The following KAZN variants were observed in gnomAD, a reference collection of about 807,000 sequenced individuals.
The protein encoded by KAZN is kazrin.
A neutral mutation model predicts 87.4 loss-of-function variants in KAZN; 40 were observed. That is an observed-to-expected ratio of 0.46 (90% CI 0.36 to 0.60). The LOEUF (loss-of-function observed/expected upper bound fraction) is 0.60. KAZN is among the 20% of genes least tolerant of loss of function. The pLI is 0.00. For missense variants in KAZN, 898 were observed against 1,073.9 expected (o/e 0.84, Z 2.29); for synonymous variants, 466 against 458.3 (o/e 1.02, Z -0.22).
chr1:14,262,914 C>T (rs933417258), intron 2 of KAZN, among the ~76,000 whole-genome samples: 1 of 152,166 alleles, frequency 6.6e-6, no homozygotes, highest in African/African-American at 2.4e-5. Context: ...AAATTTACTG[C>T]CTTCTCCACA....
intron 2 of KAZN, among the ~76,000 whole-genome samples, chr1:14,310,327 T>C (rs1026509087): frequency 1.3e-5 from 2 of 152,108 alleles, no homozygotes; most frequent in African/African-American, 4.8e-5. Context: ...TGCATTTCTT[T>C]CCACAGGCAG....
chr1:14,959,977 A>C (rs2101767858), intron 1 of KAZN, among the ~76,000 whole-genome samples: 1 of 152,252 alleles, frequency 6.6e-6, no homozygotes, highest in East Asian at 1.9e-4. Context: ...GGTTGGATTT[A>C]AGTGCTGCAG....
chr1:14,352,757 A>C (rs1204552804), intron 2 of KAZN, among the ~76,000 whole-genome samples: 1 of 152,236 alleles, frequency 6.6e-6, no homozygotes, highest in Non-Finnish European at 1.5e-5. Context: ...GAAAAATTGC[A>C]TCCAAACAAG....
At chr1:13,994,080 G>A (rs1639403829) in intron 1 of KAZN, among the ~76,000 whole-genome samples, 1 of 152,148 alleles carries the variant, frequency 6.6e-6, no homozygotes, top group Non-Finnish European at 1.5e-5. Context: ...ACATCTTAAG[G>A]AATTTGGTTT....
intron 1 of KAZN, among the ~76,000 whole-genome samples, chr1:13,919,313 C>A (rs1434396631): frequency 6.6e-6 from 1 of 152,178 alleles, no homozygotes; most frequent in African/African-American, 2.4e-5. Context: ...ATAGAATATG[C>A]TTTCCTTTCT....
chr1:13,910,714 G>A (rs774895336), intron 1 of KAZN, among the ~76,000 whole-genome samples: 41 of 151,934 alleles, frequency 2.7e-4, no homozygotes, highest in South Asian at 4.1e-4. Context: ...CCATTCCCAG[G>A]TTTTTTCTTT....
chr1:15,088,448 C>T (rs991640591), intron 8 of KAZN, among the ~76,000 whole-genome samples: 7 of 152,156 alleles, frequency 4.6e-5, no homozygotes, highest in African/African-American at 1.7e-4. Flanking sequence ...CCAAAGTCCA[C>T]AGTCTTTCTA....
At chr1:14,530,237 G>A (rs1017966209) in intron 2 of KAZN, among the ~76,000 whole-genome samples, 1 of 152,152 alleles carries the variant, frequency 6.6e-6, no homozygotes, top group South Asian at 2.1e-4. Flanking sequence ...AGGAAATACA[G>A]TGAAAAACTT....
intron 1 of KAZN, among the ~76,000 whole-genome samples, chr1:14,620,485 G>T (rs1014768491): frequency 6.6e-6 from 1 of 152,182 alleles, no homozygotes; most frequent in Non-Finnish European, 1.5e-5. Context: ...GCTGGAATAG[G>T]TTTCCAAGAT....
intron 2 of KAZN, among the ~76,000 whole-genome samples, chr1:15,006,072 C>T (rs1173501142): frequency 1.3e-5 from 2 of 152,224 alleles, no homozygotes; most frequent in African/African-American, 4.8e-5. Context: ...ACAGTTCCCA[C>T]CCCCATGAGA....
Position 14,905,845 on chromosome 1 carries a change from A to AAATAATAATAAT in KAZN, c.227-54820_227-54809dup, listed in dbSNP as rs59662108. On this transcript the variant is annotated intron_variant, in intron 1 of 14. Coordinates refer to ENST00000376030, the MANE Select transcript of KAZN (RefSeq NM_201628.3). ...GCGAGACTGTGAGACTCCGTCTCAA[A>AAATAATAATAAT]AATAATAATAATAATAATAATAATA... Among the ~76,000 whole-genome samples, 145 of 143,302 alleles carry AAATAATAATAAT rather than the reference A, an allele frequency of 1.0e-3. No individual in the cohort carries two copies. The Middle Eastern group carries it at 0.011, about 11-fold the overall frequency. The allele number at this position is 143,302 out of a possible 152,430, so 94.0% of individuals were successfully genotyped here.
At chr1:15,048,682 T>TCGG (rs1673896625) in intron 4 of KAZN, among the ~76,000 whole-genome samples, 3 of 143,034 alleles carry the variant, frequency 2.1e-5, no homozygotes, top group Non-Finnish European at 4.5e-5. Context: ...TCCTGGGTCG[T>TCGG]TGGTCCTGGG....
chr1:14,295,088 G>A (rs538672734), intron 2 of KAZN, among the ~76,000 whole-genome samples: 7 of 152,192 alleles, frequency 4.6e-5, no homozygotes, highest in Admixed American at 3.9e-4. Flanking sequence ...TCCATCAAAT[G>A]AGGTTAATGA....
intron 2 of KAZN, among the ~76,000 whole-genome samples, chr1:14,365,368 T>TGA (rs1418861186): frequency 1.2e-5 from 1 of 83,158 alleles, no homozygotes; most frequent in Non-Finnish European, 2.8e-5. Flanking sequence ...CCCCCCGGGG[T>TGA]GGGGGGGGGG....
At chr1:14,548,301 C>G (rs752834831) in intron 2 of KAZN, among the ~76,000 whole-genome samples, 1 of 150,774 alleles carries the variant, frequency 6.6e-6, no homozygotes, top group Admixed American at 6.6e-5. Flanking sequence ...TGGGTTCAGG[C>G]GATTCTCCTG....
chr1:15,109,515 T>C (rs72873829), intron 13 of KAZN, among the ~76,000 whole-genome samples: 47,524 of 152,108 alleles, frequency 0.31, 7,442 homozygotes, highest in Middle Eastern at 0.35. Context: ...CCCAAAGCCT[T>C]TGGCCACAGT....
intron 8 of KAZN, among the ~76,000 whole-genome samples, chr1:15,074,291 C>T (rs74059813): frequency 1.3e-5 from 2 of 152,186 alleles, no homozygotes; most frequent in South Asian, 2.1e-4. Context: ...CCAGTGTATT[C>T]GGCTTGTTGA....
chr1:14,638,700 T>C (rs920962840), intron 1 of KAZN, among the ~76,000 whole-genome samples: 1 of 152,032 alleles, frequency 6.6e-6, no homozygotes, highest in African/African-American at 2.4e-5. Context: ...CTCTGAAGGA[T>C]GGGATTGAGT....
intron 2 of KAZN, among the ~76,000 whole-genome samples, chr1:14,504,651 G>A (rs1290758559): frequency 6.6e-6 from 1 of 152,164 alleles, no homozygotes; most frequent in African/African-American, 2.4e-5. Context: ...CATCAGGTAA[G>A]TTGCATCAGC....
Sources: gnomAD v4.1 joint callset for allele counts (sites outside exome capture counted in the v4.1 genomes callset) on GRCh38, gnomAD v4.1.1 for gene constraint, MANE v1.5 for transcripts, NCBI Gene and HGNC (gene_info 2026-07-23, HGNC 2026-07-21) for gene names.